Variants in NKAIN2 observed in about 807,000 individuals in gnomAD.
NKAIN2 encodes the protein sodium/potassium transporting ATPase interacting 2.
NKAIN2 carries 14 observed loss-of-function variants against 32.6 expected under a neutral mutation model. That is an observed-to-expected ratio of 0.43 (90% CI 0.28 to 0.67). The LOEUF (loss-of-function observed/expected upper bound fraction) is 0.67. Ranked by LOEUF, NKAIN2 falls within the 30% of genes least tolerant of loss-of-function variation. The pLI is 0.17. For synonymous variants in NKAIN2, 80 were observed against 87.2 expected (o/e 0.92, Z 0.46); for missense variants, 198 against 258.3 (o/e 0.77, Z 1.60).
chr6:124,040,198 C>A (rs574876104), intron 1 of NKAIN2, among the ~76,000 whole-genome samples: 1 of 151,752 alleles, frequency 6.6e-6, no homozygotes, highest in Non-Finnish European at 1.5e-5. Context: ...TATTTTCATA[C>A]GTTGTGCAAT....
chr6:124,181,311 T>G (rs1285604272), intron 1 of NKAIN2, among the ~76,000 whole-genome samples: 1 of 152,088 alleles, frequency 6.6e-6, no homozygotes, highest in Non-Finnish European at 1.5e-5. Context: ...TCTGGGTCTA[T>G]AATGGGAGGG....
intron 4 of NKAIN2, among the ~76,000 whole-genome samples, chr6:124,701,757 C>A (rs1202735927): frequency 1.3e-5 from 2 of 152,008 alleles, no homozygotes; most frequent in Non-Finnish European, 2.9e-5. Flanking sequence ...CATTAAGAAC[C>A]TAGAAATTTT....
At chr6:124,798,311 G>A (rs1299098057) in intron 5 of NKAIN2, among the ~76,000 whole-genome samples, 1 of 152,060 alleles carries the variant, frequency 6.6e-6, no homozygotes, top group South Asian at 2.1e-4. Flanking sequence ...TACTTATCTG[G>A]CATCATACTG....
At chr6:124,339,148 C>T (rs1403286986) in intron 2 of NKAIN2, among the ~76,000 whole-genome samples, 1 of 152,164 alleles carries the variant, frequency 6.6e-6, no homozygotes, top group Non-Finnish European at 1.5e-5. Flanking sequence ...TGAGACCATA[C>T]TGGCCAACAT....
intron 3 of NKAIN2, among the ~76,000 whole-genome samples, chr6:124,381,942 T>A (rs1772662899): frequency 3.3e-5 from 5 of 152,174 alleles, no homozygotes. Context: ...GAAAATAATA[T>A]CTTCTCTTTG....
At chr6:123,816,629 A>T (rs1773705651) in intron 1 of NKAIN2, among the ~76,000 whole-genome samples, 1 of 152,156 alleles carries the variant, frequency 6.6e-6, no homozygotes, top group East Asian at 1.9e-4. Context: ...AGTGAGAATA[A>T]AATGTCTGAG....
chr6:124,414,732 T>G (rs1160883862), intron 3 of NKAIN2, among the ~76,000 whole-genome samples: 1 of 152,212 alleles, frequency 6.6e-6, no homozygotes, highest in Non-Finnish European at 1.5e-5. Flanking sequence ...TTTGATAGTT[T>G]GTATCTTTCA....
At chr6:124,761,257 A>G (rs1431875317) in intron 4 of NKAIN2, among the ~76,000 whole-genome samples, 1 of 152,202 alleles carries the variant, frequency 6.6e-6, no homozygotes, top group African/African-American at 2.4e-5. Flanking sequence ...TTGCAGCTTC[A>G]GAACAGATAG....
intron 1 of NKAIN2, among the ~76,000 whole-genome samples, chr6:124,090,640 AGG>A (rs1784375969): frequency 6.6e-6 from 1 of 152,046 alleles, no homozygotes; most frequent in Non-Finnish European, 1.5e-5. Context: ...TCTCTGAGCC[AGG>A]AACTGCCACT....
chr6:124,082,499 G>A (rs1401844518), intron 1 of NKAIN2, among the ~76,000 whole-genome samples: 1 of 151,718 alleles, frequency 6.6e-6, no homozygotes, highest in Non-Finnish European at 1.5e-5. Flanking sequence ...TGATTGTTTT[G>A]TTTTCCCTAT....
At chr6:123,898,987 T>G (rs1041850183) in intron 1 of NKAIN2, among the ~76,000 whole-genome samples, 4 of 152,196 alleles carry the variant, frequency 2.6e-5, no homozygotes, top group African/African-American at 9.6e-5. Context: ...AAGCCTTCTG[T>G]GAGTTTTTCA....
rs543674439 is a variant in NKAIN2, at chr6:124,083,186, T to C, written c.55-199819T>C. On this transcript the variant is annotated intron_variant, in intron 1 of 6. Coordinates refer to ENST00000368417, the MANE Select transcript of NKAIN2 (RefSeq NM_001040214.3). ...TATAATTCAAATAAAATTCAGATTTTTTTATTACTAGCTGTGAAACTTTGG... is the reference window on the plus strand; with the variant it reads ...TATAATTCAAATAAAATTCAGATTTCTTTATTACTAGCTGTGAAACTTTGG... Among the ~76,000 whole-genome samples, 3 of 152,056 alleles carry C rather than the reference T, an allele frequency of 2.0e-5. 1 individual carries two copies. The South Asian group carries it at 6.2e-4, about 32-fold the overall frequency.
At chr6:124,180,883 G>A (rs1281723112) in intron 1 of NKAIN2, among the ~76,000 whole-genome samples, 3 of 152,046 alleles carry the variant, frequency 2.0e-5, no homozygotes, top group Admixed American at 2.0e-4. Flanking sequence ...ATCTACTATC[G>A]TGGGGTCTGG....
chr6:123,960,880 C>T (rs924724236), intron 1 of NKAIN2, among the ~76,000 whole-genome samples: 1 of 151,596 alleles, frequency 6.6e-6, no homozygotes, highest in African/African-American at 2.4e-5. Context: ...TACTTTTTTT[C>T]GGGGATTAGC....
chr6:124,776,287 C>A (rs1778980922), intron 4 of NKAIN2, among the ~76,000 whole-genome samples: 1 of 152,076 alleles, frequency 6.6e-6, no homozygotes, highest in African/African-American at 2.4e-5. Context: ...TTTATTGTAC[C>A]CTACACTGGC....
intron 1 of NKAIN2, among the ~76,000 whole-genome samples, chr6:123,941,106 C>A (rs1324282642): frequency 6.6e-6 from 1 of 151,620 alleles, no homozygotes; most frequent in Non-Finnish European, 1.5e-5. Context: ...TTAGCCTAGG[C>A]CTCTCCAGGG....
At chr6:124,380,214 CTT>C (rs1772569326) in intron 3 of NKAIN2, among the ~76,000 whole-genome samples, 3 of 152,120 alleles carry the variant, frequency 2.0e-5, no homozygotes, top group African/African-American at 7.2e-5. Flanking sequence ...GCTGCTTTCT[CTT>C]TGTTCATTTA....
At chr6:124,347,240 C>G (rs9688354) in intron 2 of NKAIN2, among the ~76,000 whole-genome samples, 22,058 of 150,646 alleles carry the variant, frequency 0.15, 2,072 homozygotes, top group Admixed American at 0.26. Flanking sequence ...GTGGGTAACC[C>G]GACCTTTCTC....
chr6:124,161,638 T>G (rs73562439), intron 1 of NKAIN2, among the ~76,000 whole-genome samples: 1 of 152,244 alleles, frequency 6.6e-6, no homozygotes, highest in African/African-American at 2.4e-5. Context: ...TGAGCATGCA[T>G]AAGACATTAT....
Sources: allele counts gnomAD v4.1 joint callset (sites outside exome capture counted in the v4.1 genomes callset), GRCh38; gene constraint gnomAD v4.1.1; transcripts MANE v1.5; gene names NCBI Gene and HGNC (gene_info 2026-07-23, HGNC 2026-07-21).